SLIT3: variants seen among roughly 807,000 people sequenced by gnomAD.
SLIT3 encodes the protein slit homolog 3 protein.
SLIT3 carries 68 observed loss-of-function variants against 184.0 expected under a neutral mutation model. The ratio of observed to expected loss-of-function variants is 0.37; its 90% CI spans 0.30 to 0.45. The LOEUF is 0.45. Among genes scored for constraint, SLIT3 ranks in the 20% least tolerant of loss-of-function variants. The pLI is 1.00. For missense variants in SLIT3, 1,707 were observed against 2,026.0 expected (o/e 0.84, Z 3.02); for synonymous variants, 831 against 828.6 (o/e 1.00, Z -0.05).
chr5:169,272,196 C>T (rs1766651271), intron 1 of SLIT3, among the ~76,000 whole-genome samples: 1 of 152,220 alleles, frequency 6.6e-6, no homozygotes, highest in Non-Finnish European at 1.5e-5. Context: ...ATTTGGAGGG[C>T]AGAGTCCCTG....
At chr5:168,965,835 C>T (rs930097396) in intron 4 of SLIT3, among the ~76,000 whole-genome samples, 4 of 152,182 alleles carry the variant, frequency 2.6e-5, no homozygotes, top group African/African-American at 9.7e-5. Context: ...GTCAACCTCT[C>T]CAATTGTGAA....
chr5:168,938,479 G>C (rs114246336), intron 4 of SLIT3, among the ~76,000 whole-genome samples: 1 of 152,182 alleles, frequency 6.6e-6, no homozygotes, highest in South Asian at 2.1e-4. Context: ...TACTGTTGCA[G>C]CAGTGGCCAA....
intron 1 of SLIT3, among the ~76,000 whole-genome samples, chr5:169,258,393 C>A (rs937897569): frequency 6.6e-6 from 1 of 152,324 alleles, no homozygotes; most frequent in Non-Finnish European, 1.5e-5. Flanking sequence ...TTGCTTCCCC[C>A]ACTCCAGCTA....
Position 168,907,658 on chromosome 5 carries a change from G to T in SLIT3, c.414-24322C>A, listed in dbSNP as rs569638779. On this transcript the variant is annotated intron_variant, in intron 4 of 35. Transcript: ENST00000519560. ...TTATTTCCTGAAAGAAATACATATA[G>T]CATAGCACATTTTGGAAAACACAGG... Among the ~76,000 whole-genome samples the T allele has an allele frequency of 5.3e-5, 8 of 152,072 alleles. No homozygotes were observed. The East Asian group carries it at 1.5e-3, about 29-fold the overall frequency.
chr5:169,251,536 T>C, intron 1 of SLIT3, 77 bp from the exon 2 acceptor site: 1 of 962,926 alleles, frequency 1.0e-6, no homozygotes, highest in South Asian at 1.3e-5. Context: ...TGGCTTGGAC[T>C]GAAGGGATGT....
chr5:169,172,620 A>G (rs1762850893), intron 4 of SLIT3, among the ~76,000 whole-genome samples: 1 of 152,200 alleles, frequency 6.6e-6, no homozygotes, highest in African/African-American at 2.4e-5. Flanking sequence ...GGAAACGCAC[A>G]TCTAGACATT....
chr5:168,831,566 C>T (rs1341611420), intron 6 of SLIT3, among the ~76,000 whole-genome samples: 1 of 152,172 alleles, frequency 6.6e-6, no homozygotes, highest in Non-Finnish European at 1.5e-5. Context: ...GTATAGCAGT[C>T]GAGCTCTCAT....
chr5:169,038,630 GGT>G (rs1757340713), intron 4 of SLIT3, among the ~76,000 whole-genome samples: 1 of 152,148 alleles, frequency 6.6e-6, no homozygotes, highest in South Asian at 2.1e-4. Context: ...GTGTGGGACT[GGT>G]GTTCACACCC....
At chr5:169,286,429 C>A (rs967626967) in intron 1 of SLIT3, among the ~76,000 whole-genome samples, 3 of 152,120 alleles carry the variant, frequency 2.0e-5, no homozygotes, top group African/African-American at 7.2e-5. Context: ...CTCTCTCTTG[C>A]CTCTAGAAAG....
intron 4 of SLIT3, among the ~76,000 whole-genome samples, chr5:168,899,706 T>C (rs867846327): frequency 2.0e-5 from 3 of 152,202 alleles, no homozygotes; most frequent in Admixed American, 6.5e-5. Context: ...TAAATTTCTT[T>C]GGGGCCTTCA....
At chr5:168,899,568 G>A (rs1760796900) in intron 4 of SLIT3, among the ~76,000 whole-genome samples, 1 of 152,162 alleles carries the variant, frequency 6.6e-6, no homozygotes, top group Admixed American at 6.5e-5. Flanking sequence ...CTGGGCATTT[G>A]TACTACTGTT....
intron 25 of SLIT3, among the ~76,000 whole-genome samples, chr5:168,710,613 A>G (rs541901748): frequency 9.2e-5 from 14 of 152,186 alleles, no homozygotes; most frequent in African/African-American, 3.1e-4. Context: ...AAGATGAAAA[A>G]AAAAAAAAGA....
At chr5:168,836,265 G>C (rs1343042607) in intron 6 of SLIT3, among the ~76,000 whole-genome samples, 1 of 152,218 alleles carries the variant, frequency 6.6e-6, no homozygotes, top group Non-Finnish European at 1.5e-5. Flanking sequence ...GAGGAACAAG[G>C]CTCCCTGGCT....
intron 1 of SLIT3, among the ~76,000 whole-genome samples, chr5:169,274,890 T>C (rs997409919): frequency 6.6e-6 from 1 of 152,204 alleles, no homozygotes; most frequent in African/African-American, 2.4e-5. Context: ...TTCTGGAAAT[T>C]TGATGTAATA....
At chr5:169,207,370 T>TACATACATACACACACAC (rs1262446357) in intron 3 of SLIT3, among the ~76,000 whole-genome samples, 3 of 131,864 alleles carry the variant, frequency 2.3e-5, no homozygotes, top group African/African-American at 8.7e-5. Flanking sequence ...TACACATACA[T>TACATACATACACACACAC]ACACACACAC....
At chr5:168,691,847 C>G (rs958843334) in intron 29 of SLIT3, among the ~76,000 whole-genome samples, 8 of 152,186 alleles carry the variant, frequency 5.3e-5, no homozygotes, top group African/African-American at 1.9e-4. Context: ...AACCCCCAGT[C>G]TCAAGGGTCT....
intron 4 of SLIT3, among the ~76,000 whole-genome samples, chr5:169,166,229 C>A (rs34099192): frequency 0.24 from 36,479 of 152,002 alleles, 4,732 homozygotes; most frequent in East Asian, 0.4. Flanking sequence ...AAGACTCCCC[C>A]CAAAGTTCTT....
At chr5:169,135,199 T>G (rs567010158) in intron 4 of SLIT3, among the ~76,000 whole-genome samples, 1 of 152,278 alleles carries the variant, frequency 6.6e-6, no homozygotes, top group African/African-American at 2.4e-5. Flanking sequence ...CTCCACCTCC[T>G]GAATTCAAGC....
chr5:169,250,411 G>A (rs758239700), intron 2 of SLIT3, among the ~76,000 whole-genome samples: 2 of 152,300 alleles, frequency 1.3e-5, no homozygotes, highest in South Asian at 2.1e-4. Context: ...TTCTAACAAC[G>A]TATTCCCTAT....
Sources: allele counts gnomAD v4.1 joint callset (sites outside exome capture counted in the v4.1 genomes callset), GRCh38; gene constraint gnomAD v4.1.1; transcripts MANE v1.5; gene names NCBI Gene and HGNC (gene_info 2026-07-23, HGNC 2026-07-21).